Variants in NUP210L observed in about 807,000 individuals in gnomAD.
The protein encoded by NUP210L is nucleoporin 210 like.
Under a neutral mutation model 208.5 loss-of-function variants are expected in NUP210L, and 74 were observed. The ratio of observed to expected loss-of-function variants is 0.35; its 90% CI spans 0.29 to 0.43. The LOEUF (loss-of-function observed/expected upper bound fraction) is 0.43. NUP210L is among the 20% of genes least tolerant of loss of function. NUP210L has a pLI of 1.00. For missense variants in NUP210L, 1,843 were observed against 2,289.4 expected (o/e 0.81, Z 3.98); for synonymous variants, 780 against 816.9 (o/e 0.95, Z 0.77).
intron 29 of NUP210L, 139 bp downstream of exon 29, chr1:154,027,367 A>C: frequency 1.6e-6 from 1 of 609,822 alleles, no homozygotes; most frequent in South Asian, 2.1e-5. Context: ...ATAGTTTTAC[A>C]TTATGGGAAT....
intron 12 of NUP210L, among the ~76,000 whole-genome samples, chr1:154,115,004 C>T (rs1298030271): frequency 6.6e-6 from 1 of 152,126 alleles, no homozygotes; most frequent in Non-Finnish European, 1.5e-5. Flanking sequence ...GATTGATTTA[C>T]CTGTTAAAAA....
At chr1:154,134,926 C>T (rs1251088346) in intron 7 of NUP210L, among the ~76,000 whole-genome samples, 2 of 150,164 alleles carry the variant, frequency 1.3e-5, no homozygotes, top group African/African-American at 4.9e-5. Flanking sequence ...TTAGTAGAGA[C>T]GGGGTTTCTT....
chr1:154,054,468 C>T, intron 24 of NUP210L, 61 bp from the exon 25 acceptor site: 2 of 1,544,118 alleles, frequency 1.3e-6, no homozygotes, highest in Non-Finnish European at 1.8e-6. Context: ...GTCTCTTTTC[C>T]CAACATTTTG....
chr1:154,021,505 A>C (rs931238026), intron 32 of NUP210L, among the ~76,000 whole-genome samples: 16 of 151,926 alleles, frequency 1.1e-4, no homozygotes, highest in Admixed American at 2.0e-4. Context: ...AAAAAAAAAA[A>C]CAAAACAAAG....
chr1:154,061,293 G>A (rs1024550174), intron 18 of NUP210L, among the ~76,000 whole-genome samples: 3 of 151,998 alleles, frequency 2.0e-5, no homozygotes, highest in South Asian at 2.1e-4. Flanking sequence ...CAGGAGAATC[G>A]CTTGAACCCG....
intron 13 of NUP210L, among the ~76,000 whole-genome samples, chr1:154,100,704 G>C (rs1656425133): frequency 6.6e-6 from 1 of 150,688 alleles, no homozygotes; most frequent in Non-Finnish European, 1.5e-5. Context: ...ATTTTTAGTA[G>C]AGACAGGGTT....
chr1:154,038,337 C>CTTTTTTTTTTT (rs993828789), intron 27 of NUP210L, among the ~76,000 whole-genome samples: 1 of 134,654 alleles, frequency 7.4e-6, no homozygotes, highest in African/African-American at 2.7e-5. Context: ...TTTTCTTTTT[C>CTTTTTTTTTTT]TTTTTTTTTT....
chr1:154,005,583 C>G (rs924967485), intron 35 of NUP210L, among the ~76,000 whole-genome samples: 1 of 150,804 alleles, frequency 6.6e-6, no homozygotes, highest in Non-Finnish European at 1.5e-5. Context: ...GTTGCCTAGG[C>G]TGGAGTGCAA....
intron 30 of NUP210L, among the ~76,000 whole-genome samples, chr1:154,025,223 C>A (rs1450526588): frequency 6.6e-6 from 1 of 152,018 alleles, no homozygotes; most frequent in Non-Finnish European, 1.5e-5. Context: ...CCACCGTGCC[C>A]GGCCAGGCTG....
At chr1:154,143,739 T>C (rs1291935361) in intron 2 of NUP210L, among the ~76,000 whole-genome samples, 162 bp from the exon 3 acceptor site, 1 of 152,184 alleles carries the variant, frequency 6.6e-6, no homozygotes, top group Non-Finnish European at 1.5e-5. Flanking sequence ...TATAAGAGCC[T>C]TTCTTTATAA....
At chr1:154,073,632 T>A (rs1654881184) in intron 16 of NUP210L, among the ~76,000 whole-genome samples, 1 of 151,792 alleles carries the variant, frequency 6.6e-6, no homozygotes, top group Admixed American at 6.6e-5. Flanking sequence ...CTGGCTAACA[T>A]GGCGAAACCC....
intron 12 of NUP210L, among the ~76,000 whole-genome samples, chr1:154,106,585 C>A (rs1656772442): frequency 6.6e-6 from 1 of 152,172 alleles, no homozygotes. Context: ...TGGGTCTGAC[C>A]CAGTGCAGTC....
chr1:154,063,841 C>T (rs1004098630), intron 17 of NUP210L, among the ~76,000 whole-genome samples: 4 of 151,860 alleles, frequency 2.6e-5, no homozygotes, highest in Admixed American at 1.3e-4. Flanking sequence ...GAAGAAGAAT[C>T]ATCTTCCAGT....
intron 16 of NUP210L, among the ~76,000 whole-genome samples, chr1:154,079,234 G>A (rs1655188353): frequency 6.6e-6 from 1 of 152,022 alleles, no homozygotes; most frequent in Non-Finnish European, 1.5e-5. Context: ...ACTACAGTCT[G>A]GGAGATAGAG....
At position 154,102,083 on chromosome 1, in the gene NUP210L, A is replaced by G. The variant is rs138289569; in HGVS notation, c.1819+1929T>C. On this transcript the variant is annotated intron_variant, in intron 13 of 39. Transcript: ENST00000368559. The stretch of plus-strand genomic sequence containing the variant: ...CAAGAATCACTTGAACCTGGGAGGT[A>G]GAGGTTGCAGTGAGCCGAGATTGCA... Among the ~76,000 whole-genome samples the G allele has an allele frequency of 6.6e-5, 10 of 152,228 alleles. No individual in the cohort carries two copies. In the East Asian group the frequency reaches 1.9e-3, roughly 29 times the overall value.
intron 36 of NUP210L, 113 bp downstream of exon 36, chr1:154,001,622 T>C: frequency 8.9e-7 from 1 of 1,129,026 alleles, no homozygotes; most frequent in Admixed American, 2.2e-5. Context: ...TCATTTCCTA[T>C]GGTAATTTTT....
intron 10 of NUP210L, among the ~76,000 whole-genome samples, chr1:154,122,032 A>G (rs1657639714): frequency 6.6e-6 from 1 of 152,232 alleles, no homozygotes; most frequent in Non-Finnish European, 1.5e-5. Flanking sequence ...TAACATTTAT[A>G]AACCTCTAGC....
chr1:154,022,231 C>T (rs758290725), exon 32 of NUP210L: 2 of 1,614,112 alleles, frequency 1.2e-6, no homozygotes, highest in Non-Finnish European at 1.7e-6. Flanking sequence ...ATATAATCTG[C>T]CATGCCTGGA....
chr1:154,008,424 A>C (rs1650695357), intron 35 of NUP210L, among the ~76,000 whole-genome samples: 1 of 151,808 alleles, frequency 6.6e-6, no homozygotes, highest in South Asian at 2.1e-4. Flanking sequence ...AAGAAACAAA[A>C]ATGTCTGGGC....
Sources: gnomAD v4.1 joint callset for allele counts (sites outside exome capture counted in the v4.1 genomes callset) on GRCh38, gnomAD v4.1.1 for gene constraint, MANE v1.5 for transcripts, NCBI Gene and HGNC (gene_info 2026-07-23, HGNC 2026-07-21) for gene names.